The following TM9SF4 variants were observed in gnomAD, a reference collection of about 807,000 sequenced individuals.
The protein encoded by TM9SF4 is dinucleotide oxidase disulfide thiol exchanger 3 superfamily member 4.
A neutral mutation model predicts 90.4 loss-of-function variants in TM9SF4; 26 were observed. That is an observed-to-expected ratio of 0.29 (90% confidence interval 0.21 to 0.40). TM9SF4 has a LOEUF of 0.40. TM9SF4 is among the 10% of genes least tolerant of loss of function. TM9SF4 has a pLI of 1.00. For missense variants in TM9SF4, 549 were observed against 834.8 expected, an observed-to-expected ratio of 0.66 and a Z score of 4.22; for synonymous variants, 293 against 315.4, an observed-to-expected ratio of 0.93 and a Z score of 0.75.
intron 1 of TM9SF4, among the ~76,000 whole-genome samples, chr20:32,127,119 C>T (rs2046434540): frequency 6.6e-6 from 1 of 152,176 alleles, no homozygotes; most frequent in South Asian, 2.1e-4. Flanking sequence ...TTGTTCACTG[C>T]TAATCCTGAG....
At chr20:32,142,036 G>A (rs746164810) in intron 5 of TM9SF4, 141 bp downstream of exon 5, 1 of 1,396,636 alleles carries the variant, frequency 7.2e-7, no homozygotes, top group South Asian at 1.3e-5. Context: ...AGAGGTCCGA[G>A]TGCTCCGGGC....
At chr20:32,163,053 C>G (rs2047040086) in intron 17 of TM9SF4, among the ~76,000 whole-genome samples, 1 of 151,748 alleles carries the variant, frequency 6.6e-6, no homozygotes. Context: ...CGAGTCCATC[C>G]TGGCCAACAT....
chr20:32,150,927 C>G (rs1280023657), intron 12 of TM9SF4, 52 bp downstream of exon 12: 1 of 1,598,832 alleles, frequency 6.3e-7, no homozygotes, highest in South Asian at 1.1e-5. Flanking sequence ...AAGCTTCTTC[C>G]TGGGCTCCTC....
chr20:32,129,931 A>G (rs912667872), intron 1 of TM9SF4, among the ~76,000 whole-genome samples: 4 of 152,188 alleles, frequency 2.6e-5, no homozygotes, highest in South Asian at 4.1e-4. Flanking sequence ...ACACCCTTTC[A>G]TGTATACATT....
At chr20:32,148,686 T>C (rs894221051) in intron 9 of TM9SF4, among the ~76,000 whole-genome samples, 2 of 143,104 alleles carry the variant, frequency 1.4e-5, no homozygotes, top group Non-Finnish European at 3.0e-5. Context: ...TTTTTTTTTT[T>C]AAGAGACGGA....
chr20:32,125,858 T>A (rs2046412546), intron 1 of TM9SF4, among the ~76,000 whole-genome samples: 1 of 151,864 alleles, frequency 6.6e-6, no homozygotes, highest in African/African-American at 2.4e-5. Context: ...TGGGTAGAGA[T>A]GGGGTTTTAG....
intron 9 of TM9SF4, among the ~76,000 whole-genome samples, chr20:32,149,066 T>A (rs1453071236): frequency 6.6e-6 from 1 of 152,234 alleles, no homozygotes; most frequent in Admixed American, 6.5e-5. Context: ...CATAGTGTGA[T>A]CCCAATGTTA....
intron 1 of TM9SF4, among the ~76,000 whole-genome samples, chr20:32,122,151 G>A (rs2046324998): frequency 1.4e-5 from 2 of 139,674 alleles, no homozygotes; most frequent in African/African-American, 5.7e-5. Context: ...TGGCCGGGCG[G>A]GGGGGGTGAC....
In TM9SF4 at chr20:32,155,178, T is replaced by C; in HGVS notation, c.1321T>C (p.Ser441Pro). 6.2e-7 allele frequency: 1 copy of C among 1,613,944 alleles called. No individual in the cohort carries two copies. The highest frequency in any genetic ancestry group is 8.5e-7 in the Non-Finnish European group (1 of 1,179,834). ...TTGCTTCATTTGGGGAAAGCACTCA[T>C]CAGGAGCGGTAAGTGCCTCCCCTAC... is the stretch of plus-strand genomic sequence containing the variant. The part of the protein sequence containing the change: ...LNCFIWGKHS[S>P]GAVPFPTMVA... The change falls in exon 13 of 18, where the codon TCA becomes CCA. Residue 441 changes from serine to proline, a missense_variant. Coordinates refer to ENST00000398022, the MANE Select transcript of TM9SF4 (RefSeq NM_014742.4).
chr20:32,146,673 C>T, intron 8 of TM9SF4, 112 bp from the exon 9 acceptor site: 3 of 1,019,778 alleles, frequency 2.9e-6, no homozygotes, highest in Admixed American at 2.1e-5. Context: ...CATAATGGAG[C>T]AAGCCGTGCA....
intron 3 of TM9SF4, 34 bp downstream of exon 3, chr20:32,136,207 C>G (rs769528677): frequency 1.3e-6 from 2 of 1,590,452 alleles, no homozygotes; most frequent in Middle Eastern, 1.7e-4. Flanking sequence ...GTCAACTTGT[C>G]CCCAGGGGGA....
At chr20:32,118,984 C>T (rs1182407016) in intron 1 of TM9SF4, among the ~76,000 whole-genome samples, 1 of 151,734 alleles carries the variant, frequency 6.6e-6, no homozygotes, top group Non-Finnish European at 1.5e-5. Flanking sequence ...TATTAAAAAG[C>T]TATAAAAGTA....
intron 12 of TM9SF4, among the ~76,000 whole-genome samples, chr20:32,152,355 AC>A (rs1361340078): frequency 6.8e-6 from 1 of 147,210 alleles, no homozygotes; most frequent in Non-Finnish European, 1.5e-5. Flanking sequence ...TTTCCCCCAA[AC>A]CACCCCTTGC....
intron 1 of TM9SF4, among the ~76,000 whole-genome samples, chr20:32,115,808 T>TG (rs2046211922): frequency 1.1e-5 from 1 of 89,308 alleles, no homozygotes; most frequent in South Asian, 3.2e-4. Context: ...CACTTTAAGC[T>TG]TTTTTTTTTT....
At chr20:32,142,043 G>A (rs1008752778) in intron 5 of TM9SF4, 148 bp downstream of exon 5, 10 of 1,331,428 alleles carry the variant, frequency 7.5e-6, no homozygotes, top group African/African-American at 5.9e-5. Flanking sequence ...CGAGTGCTCC[G>A]GGCAAGTCCC....
At chr20:32,158,039 G>T in intron 14 of TM9SF4, 70 bp downstream of exon 14, 1 of 1,582,936 alleles carries the variant, frequency 6.3e-7, no homozygotes, top group East Asian at 2.3e-5. Context: ...CCACCAGAAG[G>T]GTGCGGCAAC....
At position 32,150,722 on chromosome 20, in the gene TM9SF4, G is replaced by A. The variant is rs1334454826; in HGVS notation, c.1169+19G>A. ...TCATGGGGTAGGTGTGTCTGAGTGG[G>A]CTCCCGGGGGCGGCACAGGCCTCCT... On this transcript the variant is annotated intron_variant, in intron 11 of 17. Coordinates refer to ENST00000398022, the MANE Select transcript of TM9SF4 (RefSeq NM_014742.4). 1 of 1,614,242 alleles carries A rather than the reference G, an allele frequency of 6.2e-7. No homozygotes were observed. The highest frequency in any genetic ancestry group is 1.7e-5 in the Admixed American group (1 of 60,024).
In TM9SF4 at chr20:32,145,420, T is replaced by C; in HGVS notation, c.880T>C (p.Ser294Pro). 6.2e-7 allele frequency: 1 copy of C among 1,613,906 alleles called. No individual in the cohort carries two copies. Among genetic ancestry groups the C allele is most frequent in the South Asian group, 1.1e-5 (1 of 91,070 alleles). The change falls in exon 8 of 18, where the codon TCA (serine) becomes CCA (proline). Residue 294 changes from serine (S) to proline (P), a missense_variant. Ser to Pro is a moderately conservative substitution (Grantham distance 74, BLOSUM62 -1). This residue lies in a region of TM9SF4 where 495 missense variants were observed against 711.7 expected (regional missense o/e 0.70). Coordinates refer to ENST00000398022, the MANE Select transcript of TM9SF4 (RefSeq NM_014742.4). ...CTCCGTTGTTGTGGTCTTCTTCCTGTCAGGTGAGAGATCTGTGGGTTGAGG... is the reference window on the plus strand; with the variant it reads ...CTCCGTTGTTGTGGTCTTCTTCCTGCCAGGTGAGAGATCTGTGGGTTGAGG... ...INSVVVVFFL[S>P]GILSMIIIRT...
Position 32,142,995 on chromosome 20 carries a change from A to G in TM9SF4, c.542A>G (p.Asn181Ser), listed in dbSNP as rs754190704. 2.5e-6 allele frequency: 4 copies of G among 1,613,434 alleles called. No homozygotes were observed. Among genetic ancestry groups the G allele is most frequent in the Non-Finnish European group, 2.5e-6 (3 of 1,179,670 alleles). The change falls in exon 6 of 18, where the codon AAC (asparagine) becomes AGC (serine). Residue 181 changes from asparagine (N) to serine (S), a missense_variant. Asn to Ser is a conservative substitution (Grantham distance 46). Coordinates refer to ENST00000398022, the MANE Select transcript of TM9SF4 (RefSeq NM_014742.4). Reference protein sequence around the residue: ...FTDVNKIYLHNHLSFILYYHR... With the variant: ...FTDVNKIYLHSHLSFILYYHR... ...GCTGTGTTTCAGATCTACCTGCACA[A>G]CCACCTCTCATTCATCCTTTACTAT...
Sources: gnomAD v4.1 joint callset for allele counts (sites outside exome capture counted in the v4.1 genomes callset) on GRCh38, gnomAD v4.1.1 for gene constraint, gnomAD v4.1.1 regional missense constraint, MANE v1.5 for transcripts, NCBI Gene and HGNC (gene_info 2026-07-23, HGNC 2026-07-21) for gene names.